Variants in WIPF3 observed in about 807,000 individuals in gnomAD.
WIPF3 encodes WAS/WASL interacting protein family member 3.
WIPF3 carries 33 observed loss-of-function variants against 38.9 expected under a neutral mutation model. That is an observed-to-expected ratio of 0.85 (90% CI 0.64 to 1.14). WIPF3 has a LOEUF of 1.14. Among genes scored for constraint, WIPF3 ranks in the 50% most tolerant of loss-of-function variants. The pLI, the probability that WIPF3 is intolerant of heterozygous loss-of-function variation, is 0.00. For synonymous variants in WIPF3, 324 were observed against 269.3 expected (o/e 1.20, Z -1.99); for missense variants, 711 against 652.5 (o/e 1.09, Z -0.98).
At chr7:29,816,292 C>G (rs1054447946) in intron 1 of WIPF3, among the ~76,000 whole-genome samples, 1 of 151,920 alleles carries the variant, frequency 6.6e-6, no homozygotes, top group Non-Finnish European at 1.5e-5. Flanking sequence ...AAGGCATACT[C>G]GTTCTTTTAT....
At chr7:29,827,475 C>T (rs184569283) in intron 1 of WIPF3, among the ~76,000 whole-genome samples, 5 of 151,944 alleles carry the variant, frequency 3.3e-5, no homozygotes, top group Non-Finnish European at 7.4e-5. Flanking sequence ...CGTTGAGAAC[C>T]CTTTATTTGT....
Position 29,904,589 on chromosome 7 carries a change from T to C in WIPF3, c.1428+227T>C, listed in dbSNP as rs75234790. 789 of 518,304 alleles carry C rather than the reference T, an allele frequency of 1.5e-3. 6 individuals carry two copies. The highest frequency in any genetic ancestry group is 0.014 in the African/African-American group (745 of 51,778). 32.1% of individuals were successfully genotyped at this position (518,304 alleles called of 1,614,324 possible). On this transcript the variant is annotated intron_variant, in intron 8 of 8. Transcript: ENST00000242140. Reference sequence around the variant, plus strand: ...GCTTCCCTGGAATCACCACTACATATAGAAGCAAGTTTAGCAACTCTGACA... The same window carrying C: ...GCTTCCCTGGAATCACCACTACATACAGAAGCAAGTTTAGCAACTCTGACA...
At chr7:29,808,320 A>G (rs564121250) in intron 1 of WIPF3, among the ~76,000 whole-genome samples, 2 of 152,372 alleles carry the variant, frequency 1.3e-5, no homozygotes, top group South Asian at 4.1e-4. Context: ...TTAAGAAGTA[A>G]CTGGAAATGA....
chr7:29,849,481 A>G (rs916573764), intron 2 of WIPF3, among the ~76,000 whole-genome samples: 2 of 152,332 alleles, frequency 1.3e-5, no homozygotes, highest in Admixed American at 6.5e-5. Flanking sequence ...CATTGGGGCA[A>G]TTATTAAATC....
At chr7:29,881,512 G>T (rs1489201952) in intron 4 of WIPF3, among the ~76,000 whole-genome samples, 1 of 152,086 alleles carries the variant, frequency 6.6e-6, no homozygotes, top group African/African-American at 2.4e-5. Context: ...GAAAACATAT[G>T]ACCTTTTAGG....
At chr7:29,885,403 C>A (rs1349454836) in intron 5 of WIPF3, among the ~76,000 whole-genome samples, 1 of 152,214 alleles carries the variant, frequency 6.6e-6, no homozygotes, top group Non-Finnish European at 1.5e-5. Flanking sequence ...CACATGCACA[C>A]CCCCAACACA....
chr7:29,811,091 A>G (rs954949539), intron 1 of WIPF3, among the ~76,000 whole-genome samples: 2 of 151,932 alleles, frequency 1.3e-5, no homozygotes, highest in African/African-American at 4.8e-5. Flanking sequence ...GGATCTGACT[A>G]TACTGCCCAG....
intron 2 of WIPF3, among the ~76,000 whole-genome samples, chr7:29,853,649 C>T (rs975575998): frequency 6.6e-6 from 1 of 152,194 alleles, no homozygotes; most frequent in African/African-American, 2.4e-5. Context: ...GATTAAGATT[C>T]CTGAGCCAGA....
At chr7:29,884,658 A>T (rs1785834718) in intron 5 of WIPF3, 65 bp downstream of exon 5, 8 of 1,506,782 alleles carry the variant, frequency 5.3e-6, no homozygotes, top group Non-Finnish European at 5.3e-6. Context: ...GTTGCACAGG[A>T]CTTTATTGTT....
chr7:29,819,742 A>G (rs560638416), intron 1 of WIPF3, among the ~76,000 whole-genome samples: 1 of 152,116 alleles, frequency 6.6e-6, no homozygotes, highest in Non-Finnish European at 1.5e-5. Flanking sequence ...AGTACACATT[A>G]AGTTTGGTTT....
intron 2 of WIPF3, among the ~76,000 whole-genome samples, chr7:29,869,869 T>C (rs1033953552): frequency 1.3e-5 from 2 of 152,070 alleles, no homozygotes; most frequent in African/African-American, 4.8e-5. Flanking sequence ...CTGGTTTGGG[T>C]AGGAAAAAGC....
At chr7:29,813,325 A>G (rs570715053) in intron 1 of WIPF3, among the ~76,000 whole-genome samples, 1 of 152,308 alleles carries the variant, frequency 6.6e-6, no homozygotes, top group Admixed American at 6.5e-5. Context: ...ACAGATGTCT[A>G]ACAACATCTT....
At chr7:29,864,812 C>T (rs1266348429) in intron 2 of WIPF3, among the ~76,000 whole-genome samples, 2 of 152,194 alleles carry the variant, frequency 1.3e-5, no homozygotes, top group East Asian at 3.9e-4. Flanking sequence ...GCTTCTTAGA[C>T]GTTCTCTTGC....
chr7:29,854,773 AC>A (rs1164856890), intron 2 of WIPF3, among the ~76,000 whole-genome samples: 2 of 152,094 alleles, frequency 1.3e-5, no homozygotes, highest in Admixed American at 1.3e-4. Context: ...CGAAATCCTA[AC>A]CCCCAGTGCC....
intron 2 of WIPF3, among the ~76,000 whole-genome samples, chr7:29,865,203 G>A (rs1364972291): frequency 6.6e-6 from 1 of 152,150 alleles, no homozygotes; most frequent in African/African-American, 2.4e-5. Context: ...TCCCAACCGA[G>A]GTGATGGGAC....
chr7:29,861,170 T>C (rs560774012), intron 2 of WIPF3, among the ~76,000 whole-genome samples: 2 of 152,266 alleles, frequency 1.3e-5, no homozygotes, highest in African/African-American at 2.4e-5. Context: ...AAGTAATATA[T>C]GGAAGTGTCT....
intron 1 of WIPF3, among the ~76,000 whole-genome samples, chr7:29,825,595 T>C (rs1373895652): frequency 6.6e-6 from 1 of 152,232 alleles, no homozygotes; most frequent in African/African-American, 2.4e-5. Flanking sequence ...ACAATTTTTA[T>C]GGAACTCAGC....
At chr7:29,876,221 T>C (rs1785594273) in intron 3 of WIPF3, among the ~76,000 whole-genome samples, 1 of 152,250 alleles carries the variant, frequency 6.6e-6, no homozygotes, top group South Asian at 2.1e-4. Context: ...TATTTAAAAA[T>C]TTTGATAAAA....
Position 29,863,332 on chromosome 7 carries a change from C to T in WIPF3, c.91-12498C>T, listed in dbSNP as rs115824685. On this transcript the variant is annotated intron_variant, in intron 2 of 8. Coordinates refer to ENST00000242140, the MANE Select transcript of WIPF3 (RefSeq NM_001080529.3). Reference sequence around the variant, plus strand: ...GTCCTCAGCTTATTAATCTATTCACCTCCTGAAGTACATTTTGGTTGTTTT... The same window carrying T: ...GTCCTCAGCTTATTAATCTATTCACTTCCTGAAGTACATTTTGGTTGTTTT... Among the ~76,000 whole-genome samples, 271 of 152,248 alleles carry T rather than the reference C, an allele frequency of 1.8e-3. 1 individual carries two copies. The highest frequency in any genetic ancestry group is 6.4e-3 in the African/African-American group (266 of 41,554).
Sources: gnomAD v4.1 joint callset for allele counts (sites outside exome capture counted in the v4.1 genomes callset) on GRCh38, gnomAD v4.1.1 for gene constraint, MANE v1.5 for transcripts, NCBI Gene and HGNC (gene_info 2026-07-23, HGNC 2026-07-21) for gene names.